Variants in DPYD observed in about 807,000 individuals in gnomAD.
DPYD encodes dihydropyrimidine dehydrogenase [NADP(+)].
A neutral mutation model predicts 116.2 loss-of-function variants in DPYD; 109 were observed. That is an observed-to-expected ratio of 0.94 (90% confidence interval 0.80 to 1.10). The LOEUF is 1.10. Among genes scored for constraint, DPYD ranks in the 50% least tolerant of loss-of-function variants. DPYD has a pLI of 0.00. For synonymous variants in DPYD, 440 were observed against 432.0 expected (o/e 1.02, Z -0.23); for missense variants, 1,302 against 1,254.5 (o/e 1.04, Z -0.57).
At chr1:97,230,088 A>G (rs190427655) in intron 19 of DPYD, among the ~76,000 whole-genome samples, 6 of 152,190 alleles carry the variant, frequency 3.9e-5, no homozygotes, top group African/African-American at 1.4e-4. Context: ...GGCCTGGCAT[A>G]AAAAGATAAA....
intron 15 of DPYD, among the ~76,000 whole-genome samples, chr1:97,376,887 G>GTGTGTGTGTGTGTGTATATATATATA: frequency 1.6e-5 from 2 of 128,456 alleles, no homozygotes; most frequent in African/African-American, 5.7e-5. Flanking sequence ...GTGTGTGTGT[G>GTGTGTGTGTGTGTGTATATATATATA]TATATATATA....
At chr1:97,150,426 T>C (rs1223007334) in intron 20 of DPYD, among the ~76,000 whole-genome samples, 2 of 152,164 alleles carry the variant, frequency 1.3e-5, no homozygotes, top group Non-Finnish European at 2.9e-5. Flanking sequence ...GATGAATAAA[T>C]GAATGAATGA....
intron 6 of DPYD, among the ~76,000 whole-genome samples, chr1:97,696,029 C>T (rs951853862): frequency 1.3e-5 from 2 of 150,988 alleles, no homozygotes; most frequent in Non-Finnish European, 2.9e-5. Context: ...ACTTGGGAGG[C>T]GGAGGCAGAA....
intron 1 of DPYD, among the ~76,000 whole-genome samples, chr1:97,906,673 T>A (rs1673642166): frequency 6.6e-6 from 1 of 152,100 alleles, no homozygotes; most frequent in African/African-American, 2.4e-5. Flanking sequence ...TATTGAACCC[T>A]ACATATATAT....
chr1:97,296,566 T>G (rs1339606733), intron 18 of DPYD, among the ~76,000 whole-genome samples: 2 of 152,126 alleles, frequency 1.3e-5, no homozygotes, highest in Non-Finnish European at 2.9e-5. Context: ...TTTTGAATAA[T>G]TGTCAATATT....
At chr1:97,357,783 G>C (rs2101387325) in intron 16 of DPYD, among the ~76,000 whole-genome samples, 1 of 152,246 alleles carries the variant, frequency 6.6e-6, no homozygotes, top group African/African-American at 2.4e-5. Flanking sequence ...GTGAGAATAT[G>C]TTTCCGTTTC....
At chr1:97,236,187 A>T (rs926799418) in intron 18 of DPYD, among the ~76,000 whole-genome samples, 1 of 152,154 alleles carries the variant, frequency 6.6e-6, no homozygotes, top group Non-Finnish European at 1.5e-5. Context: ...AAGGCAGTTC[A>T]ACTTATGCAA....
chr1:97,127,453 A>G (rs1652935944), intron 20 of DPYD, among the ~76,000 whole-genome samples: 2 of 152,168 alleles, frequency 1.3e-5, no homozygotes, highest in Non-Finnish European at 2.9e-5. Context: ...CTTCCTACGC[A>G]GCATTTCTGT....
chr1:97,168,428 A>T (rs1656479877), intron 20 of DPYD, among the ~76,000 whole-genome samples: 1 of 152,226 alleles, frequency 6.6e-6, no homozygotes, highest in Non-Finnish European at 1.5e-5. Flanking sequence ...AGGAAGACCT[A>T]CTTCACAGAT....
intron 19 of DPYD, among the ~76,000 whole-genome samples, chr1:97,202,932 A>C (rs1030020657): frequency 6.6e-6 from 1 of 152,176 alleles, no homozygotes; most frequent in Non-Finnish European, 1.5e-5. Flanking sequence ...TGTCTCTTCA[A>C]AGATATTGCT....
chr1:97,771,089 G>A (rs1453686870), intron 3 of DPYD, among the ~76,000 whole-genome samples: 3 of 152,032 alleles, frequency 2.0e-5, no homozygotes, highest in African/African-American at 7.2e-5. Flanking sequence ...GAGCTGAGGC[G>A]GGTGGATCAC....
chr1:97,432,444 A>C (rs1269662786), intron 14 of DPYD, among the ~76,000 whole-genome samples: 2 of 151,998 alleles, frequency 1.3e-5, no homozygotes, highest in East Asian at 3.9e-4. Context: ...ATCTGTTAAA[A>C]TATTTATTTT....
At position 97,220,570 on chromosome 1, in the gene DPYD, T is replaced by C. The variant is rs528155635; in HGVS notation, c.2442+14282A>G. ...GTATCCTTGATGCTTGAGCTCTGCC[T>C]GGGATATAGTGGGGCTCATTCAGTG... On this transcript the variant is annotated intron_variant, in intron 19 of 22. Coordinates refer to ENST00000370192, the MANE Select transcript of DPYD (RefSeq NM_000110.4). Among the ~76,000 whole-genome samples the C allele has an allele frequency of 3.8e-4, 58 of 152,288 alleles. No homozygotes were observed. The South Asian group carries it at 0.012, about 32-fold the overall frequency.
chr1:97,361,958 A>G (rs1001851585), intron 16 of DPYD, among the ~76,000 whole-genome samples: 63 of 152,268 alleles, frequency 4.1e-4, no homozygotes, highest in Non-Finnish European at 8.5e-4. Context: ...GGCCAGGGCC[A>G]TCAGGCAAGA....
chr1:97,396,190 A>T (rs12407440), intron 14 of DPYD, among the ~76,000 whole-genome samples: 6,609 of 152,052 alleles, frequency 0.043, 254 homozygotes, highest in East Asian at 0.17. Context: ...TCTAATCCTT[A>T]GAACATCATA....
At chr1:97,760,995 C>T (rs1286423428) in intron 3 of DPYD, among the ~76,000 whole-genome samples, 1 of 152,012 alleles carries the variant, frequency 6.6e-6, no homozygotes, top group African/African-American at 2.4e-5. Context: ...AGGAGGAATC[C>T]AACACAGATG....
chr1:97,409,107 T>C (rs11165864), intron 14 of DPYD, among the ~76,000 whole-genome samples: 39,105 of 152,036 alleles, frequency 0.26, 5,337 homozygotes, highest in Middle Eastern at 0.37. Context: ...ACATCAGATA[T>C]ACATCTATCC....
At chr1:97,545,847 C>T in intron 12 of DPYD, 10 of 1,119,048 alleles carry the variant, frequency 8.9e-6, no homozygotes, top group Non-Finnish European at 1.4e-5. Context: ...AGCTCCCTTA[C>T]ATTGAAGAGG....
rs2101792615 is a variant in DPYD at position 97,450,125 on chromosome 1, G to A, written c.1839C>T (p.Ile613=). The A allele has an allele frequency of 6.2e-7, 1 of 1,613,982 alleles. No homozygotes were observed. The highest frequency in any genetic ancestry group is 8.5e-7 in the Non-Finnish European group (1 of 1,179,922). Residue 613 remains isoleucine, a synonymous_variant, in exon 14 of 23, where the codon ATC becomes ATT. Coordinates refer to ENST00000370192, the MANE Select transcript of DPYD (RefSeq NM_000110.4). Reference sequence around the variant, plus strand: ...ACCAATATGCAGCCGTTTTCTCACTGATGAGCTCAATATTCAGAAAGGAGC... The same window carrying A: ...ACCAATATGCAGCCGTTTTCTCACTAATGAGCTCAATATTCAGAAAGGAGC... ...GQSSFLNIEL[I]SEKTAAYWCQ...
Sources: gnomAD v4.1 joint callset for allele counts (sites outside exome capture counted in the v4.1 genomes callset) on GRCh38, gnomAD v4.1.1 for gene constraint, MANE v1.5 for transcripts, NCBI Gene and HGNC (gene_info 2026-07-23, HGNC 2026-07-21) for gene names.